ADCYAP1R1: variants seen among roughly 807,000 people sequenced by gnomAD.
ADCYAP1R1 encodes the protein pituitary adenylate cyclase-activating polypeptide type I receptor.
Under a neutral mutation model 67.6 loss-of-function variants are expected in ADCYAP1R1, and 44 were observed. The observed-to-expected ratio is 0.65, with a 90% CI of 0.51 to 0.84. ADCYAP1R1 has a LOEUF of 0.84. ADCYAP1R1 is among the 40% of genes least tolerant of loss of function. ADCYAP1R1 has a pLI of 0.00. For missense variants in ADCYAP1R1, 477 were observed against 587.9 expected (o/e 0.81, Z 1.95); for synonymous variants, 222 against 219.6 (o/e 1.01, Z -0.10).
chr7:31,101,803 A>T (rs1375599500), intron 13 of ADCYAP1R1, among the ~76,000 whole-genome samples: 1 of 152,202 alleles, frequency 6.6e-6, no homozygotes, highest in Non-Finnish European at 1.5e-5. Context: ...ACAGTCAGAG[A>T]TAGACAGATA....
At chr7:31,067,234 A>G (rs1048912293) in intron 3 of ADCYAP1R1, among the ~76,000 whole-genome samples, 1 of 152,190 alleles carries the variant, frequency 6.6e-6, no homozygotes, top group Non-Finnish European at 1.5e-5. Context: ...AGGATCCCTC[A>G]TCTATCCCTA....
chr7:31,092,032 T>C (rs547943074), intron 12 of ADCYAP1R1, among the ~76,000 whole-genome samples: 1 of 150,922 alleles, frequency 6.6e-6, no homozygotes, highest in South Asian at 2.2e-4. Flanking sequence ...AGGGCTGCTT[T>C]GGCTATGCCT....
Position 31,070,084 on chromosome 7 carries a change from C to CT in ADCYAP1R1, c.157+5149dup, listed in dbSNP as rs373243178. On this transcript the variant is annotated intron_variant, in intron 3 of 15. Transcript: ENST00000304166. ...GCCAGCTCTGGGGTGGGATCCAGGT[C>CT]TGTTATATCAGACAGGGAGTGCCCT... Among the ~76,000 whole-genome samples, 564 of 152,302 alleles carry CT rather than the reference C, an allele frequency of 3.7e-3. 4 individuals are homozygous for CT. The highest frequency in any genetic ancestry group is 0.013 in the African/African-American group (539 of 41,580).
intron 1 of ADCYAP1R1, among the ~76,000 whole-genome samples, chr7:31,055,365 G>A (rs750436629): frequency 1.3e-4 from 20 of 152,022 alleles, no homozygotes; most frequent in African/African-American, 4.1e-4. Flanking sequence ...GTGTGCACGC[G>A]CGTGTTGCAT....
At chr7:31,101,654 C>T (rs1796442086) in intron 13 of ADCYAP1R1, among the ~76,000 whole-genome samples, 2 of 152,186 alleles carry the variant, frequency 1.3e-5, no homozygotes, top group South Asian at 4.1e-4. Context: ...ATGAACAAGA[C>T]CCGAGCGCCC....
At chr7:31,078,408 G>A (rs1227549050) in intron 4 of ADCYAP1R1, among the ~76,000 whole-genome samples, 2 of 152,194 alleles carry the variant, frequency 1.3e-5, no homozygotes, top group Non-Finnish European at 2.9e-5. Flanking sequence ...CCCCTCCCAG[G>A]GTGCTTCTGT....
chr7:31,073,861 C>G (rs546002264), intron 3 of ADCYAP1R1, among the ~76,000 whole-genome samples: 54 of 152,254 alleles, frequency 3.5e-4, no homozygotes, highest in African/African-American at 1.2e-3. Flanking sequence ...GTCCTGAGGT[C>G]TCATTCTAGG....
chr7:31,105,194 G>A (rs1373592399), intron 15 of ADCYAP1R1, among the ~76,000 whole-genome samples: 5 of 152,232 alleles, frequency 3.3e-5, no homozygotes, highest in African/African-American at 4.8e-5. Context: ...TCTGCTGAGC[G>A]CAGATCTCCC....
At chr7:31,075,917 C>G (rs557003883) in intron 3 of ADCYAP1R1, among the ~76,000 whole-genome samples, 12 of 152,250 alleles carry the variant, frequency 7.9e-5, no homozygotes, top group African/African-American at 2.9e-4. Context: ...AGGGCTTGAT[C>G]AGGAGCACTA....
intron 13 of ADCYAP1R1, among the ~76,000 whole-genome samples, chr7:31,098,586 G>A (rs940619216): frequency 6.6e-6 from 1 of 151,922 alleles, no homozygotes; most frequent in African/African-American, 2.4e-5. Flanking sequence ...ACCAAACCTC[G>A]ACATTCCTCT....
chr7:31,077,593 ATGTGTGTGT>A (rs2128625359), intron 3 of ADCYAP1R1, among the ~76,000 whole-genome samples: 1 of 121,328 alleles, frequency 8.2e-6, no homozygotes, highest in East Asian at 2.6e-4. Context: ...TGTGTGTGTG[ATGTGTGTGT>A]TGTGTGAATG....
At position 31,086,298 on chromosome 7, in the gene ADCYAP1R1, A is replaced by G; in HGVS notation, c.670-86A>G. On this transcript the variant is annotated intron_variant, in intron 9 of 15. Coordinates refer to ENST00000304166, the MANE Select transcript of ADCYAP1R1 (RefSeq NM_001118.5). The surrounding 1 kb of genome is among the most constrained non-coding windows in gnomAD (Gnocchi z 5.0). ...ATCCTTGGGATGTTTGAACCTGAGC[A>G]TGCCAGAGCCAACGGGCCCTAGGAT... 1.4e-6 allele frequency: 2 copies of G among 1,388,628 alleles called. No homozygotes were observed. Among genetic ancestry groups the G allele is most frequent in the African/African-American group, 2.9e-5 (2 of 69,706 alleles). The allele number at this position is 1,388,628 out of a possible 1,614,324, so 86.0% of individuals were successfully genotyped here. A position where few individuals can be genotyped will look rare whatever the true frequency, so the allele number is the denominator to read the frequency against.
intron 3 of ADCYAP1R1, among the ~76,000 whole-genome samples, chr7:31,067,071 G>T (rs1175206410): frequency 2.0e-5 from 3 of 152,188 alleles, no homozygotes; most frequent in African/African-American, 7.2e-5. Context: ...TGCCCCAGGG[G>T]CTCCACTTGT....
intron 4 of ADCYAP1R1, among the ~76,000 whole-genome samples, chr7:31,080,232 C>G (rs927905574): frequency 4.6e-5 from 7 of 152,218 alleles, no homozygotes; most frequent in Non-Finnish European, 8.8e-5. Context: ...CCTTTTAGCA[C>G]CTCTGTTCAC....
intron 3 of ADCYAP1R1, among the ~76,000 whole-genome samples, chr7:31,071,956 G>C (rs1029354519): frequency 1.4e-5 from 2 of 142,600 alleles, no homozygotes; most frequent in African/African-American, 5.4e-5. Context: ...TGTGGTAAAT[G>C]ATCCATCCAT....
intron 1 of ADCYAP1R1, among the ~76,000 whole-genome samples, chr7:31,056,078 C>T (rs972888025): frequency 6.6e-6 from 1 of 152,180 alleles, no homozygotes; most frequent in African/African-American, 2.4e-5. Flanking sequence ...GGAAGCCACA[C>T]GGAAACCTGG....
chr7:31,067,964 T>C (rs1562631709), intron 3 of ADCYAP1R1, among the ~76,000 whole-genome samples: 1 of 152,098 alleles, frequency 6.6e-6, no homozygotes, highest in Non-Finnish European at 1.5e-5. Context: ...GAGACATCTC[T>C]AGGAAGCAGG....
At chr7:31,059,145 C>T in intron 1 of ADCYAP1R1, among the ~76,000 whole-genome samples, 1 of 152,056 alleles carries the variant, frequency 6.6e-6, no homozygotes, top group East Asian at 1.9e-4. Flanking sequence ...AGTCTGAACA[C>T]AAAGTGGTGA....
At position 31,107,556 on chromosome 7, in the gene ADCYAP1R1, A is replaced by T. The variant is rs183809829; in HGVS notation, c.*872A>T. ...TCTCCCTTCCACCTCTTCCACCCTC[A>T]TGGATGCCTTCCAGAAGCTGTCTCC... On this transcript the variant is annotated 3_prime_UTR_variant, in exon 16 of 16. Transcript: ENST00000304166. The T allele has an allele frequency of 5.9e-5, 9 of 152,286 alleles. No individual in the cohort carries two copies. The highest frequency in any genetic ancestry group is 1.9e-4 in the East Asian group (1 of 5,162). 9.4% of individuals were successfully genotyped at this position (152,286 alleles called of 1,614,324 possible).
Sources: gnomAD v4.1 joint callset for allele counts (sites outside exome capture counted in the v4.1 genomes callset) on GRCh38, gnomAD v4.1.1 for gene constraint, Gnocchi (gnomAD v3.1) non-coding constraint, MANE v1.5 for transcripts, NCBI Gene and HGNC (gene_info 2026-07-23, HGNC 2026-07-21) for gene names.